The following DCHS2 variants were observed in gnomAD, a reference collection of about 807,000 sequenced individuals.
DCHS2 encodes the protein dachsous cadherin-related 2, also known as protocadherin-23.
Under a neutral mutation model 182.4 loss-of-function variants are expected in DCHS2, and 142 were observed. The observed-to-expected ratio is 0.78, with a 90% CI of 0.68 to 0.89. DCHS2 has a LOEUF of 0.89. Among genes scored for constraint, DCHS2 ranks in the 40% least tolerant of loss-of-function variants. DCHS2 has a pLI of 0.00. For synonymous variants in DCHS2, 1,740 were observed against 1,663.3 expected (o/e 1.05, Z -1.12); for missense variants, 4,319 against 4,198.6 (o/e 1.03, Z -0.79).
chr4:154,324,826 C>G (rs1488488737), intron 7 of DCHS2, among the ~76,000 whole-genome samples: 3 of 152,134 alleles, frequency 2.0e-5, no homozygotes, highest in Non-Finnish European at 4.4e-5. Flanking sequence ...ATGCTTTAAT[C>G]CATTGATTTT....
intron 1 of DCHS2, among the ~76,000 whole-genome samples, chr4:154,387,880 C>T (rs1731490023): frequency 6.6e-6 from 1 of 151,808 alleles, no homozygotes; most frequent in Non-Finnish European, 1.5e-5. Flanking sequence ...ACAGACAATT[C>T]ATAGAAAAAT....
intron 15 of DCHS2, 74 bp downstream of exon 15, chr4:154,259,471 T>TTC (rs368533986): frequency 1.0e-4 from 141 of 1,414,250 alleles, no homozygotes; most frequent in African/African-American, 3.0e-4. Flanking sequence ...CTTGTAATAA[T>TTC]TCTCTCTCTC....
chr4:154,410,523 C>T (rs28795483), intron 1 of DCHS2, among the ~76,000 whole-genome samples: 32,802 of 109,016 alleles, frequency 0.3, 6,369 homozygotes, highest in African/African-American at 0.55. Context: ...CAGCTGGGCA[C>T]GGTGGCTCAC....
chr4:154,356,476 G>A (rs1729875841), intron 3 of DCHS2, among the ~76,000 whole-genome samples: 1 of 152,178 alleles, frequency 6.6e-6, no homozygotes, highest in Non-Finnish European at 1.5e-5. Flanking sequence ...GTAGTGTACA[G>A]TAATGTCCTA....
chr4:154,349,723 T>C (rs1729521470), intron 3 of DCHS2, among the ~76,000 whole-genome samples: 1 of 152,216 alleles, frequency 6.6e-6, no homozygotes. Context: ...TCATGCATTT[T>C]TTGTGTGACA....
intron 2 of DCHS2, chr4:154,373,937 G>A: frequency 6.3e-7 from 1 of 1,589,860 alleles, no homozygotes; most frequent in South Asian, 1.1e-5. Context: ...AGGGCTAAAT[G>A]TGTCATTCTC....
In DCHS2 at chr4:154,298,349, A is replaced by G. The variant is rs757933666; in HGVS notation, c.5965T>C (p.Leu1989=). ...AFTIDPMSGT[L]KTSNTLDREA... ...CGGTCGAGGGTGTTGCTGGTTTTCA[A>G]TGTGCCTGACATAGGATCAATGGTG... is the stretch of plus-strand genomic sequence containing the variant. Residue 1989 remains leucine (L), a synonymous_variant, in exon 13 of 20, where the codon TTG becomes CTG. Transcript: ENST00000357232. 8 of 1,614,154 alleles carry G rather than the reference A, an allele frequency of 5.0e-6. No homozygotes were observed. The highest frequency in any genetic ancestry group is 3.3e-4 in the Middle Eastern group (2 of 6,060).
chr4:154,238,156 C>T (rs76040334), intron 19 of DCHS2, among the ~76,000 whole-genome samples: 14 of 5,600 alleles, frequency 2.5e-3, no homozygotes, highest in South Asian at 7.0e-3. Context: ...AGAGAAAAGA[C>T]GGTGGGGGGG....
chr4:154,233,613 CAA>C lies in DCHS2; in HGVS notation c.*921_*922del, dbSNP rs1190842171. On this transcript the variant is annotated 3_prime_UTR_variant, in exon 20 of 20. Transcript: ENST00000357232. ...CATTGAGTGGATAAATTATTTCACA[CAA>C]AAAAGTTACTGTATCTAGAAGAAAA... is the stretch of plus-strand genomic sequence containing the variant. 2 of 151,902 alleles carry C rather than the reference CAA, an allele frequency of 1.3e-5. No homozygotes were observed. The highest frequency in any genetic ancestry group is 1.9e-4 in the East Asian group (1 of 5,184). 9.4% of individuals were successfully genotyped at this position (151,902 alleles called of 1,614,324 possible).
intron 14 of DCHS2, among the ~76,000 whole-genome samples, chr4:154,264,495 A>G (rs944776985): frequency 3.9e-5 from 6 of 152,224 alleles, no homozygotes; most frequent in Non-Finnish European, 8.8e-5. Flanking sequence ...AATATAAAAA[A>G]GAGATGTAGC....
chr4:154,352,996 C>T (rs775846203), intron 3 of DCHS2, among the ~76,000 whole-genome samples: 2 of 151,972 alleles, frequency 1.3e-5, no homozygotes, highest in Non-Finnish European at 2.9e-5. Context: ...CTTCTGTATC[C>T]CCAGTAGATC....
chr4:154,459,868 T>G (rs1235731952), intron 1 of DCHS2, among the ~76,000 whole-genome samples: 3 of 151,876 alleles, frequency 2.0e-5, no homozygotes, highest in African/African-American at 7.3e-5. Context: ...ATTCAAGACC[T>G]AAATGTACCC....
chr4:154,439,942 G>C (rs1016905348), intron 1 of DCHS2, among the ~76,000 whole-genome samples: 31 of 152,200 alleles, frequency 2.0e-4, no homozygotes, highest in African/African-American at 7.2e-4. Context: ...AAAGGAAACA[G>C]TAAATTTTAG....
In DCHS2 at chr4:154,255,816, T is replaced by A; in HGVS notation, c.6790-146A>T. On this transcript the variant is annotated intron_variant, in intron 15 of 19. Transcript: ENST00000357232. Reference sequence around the variant, plus strand: ...ATGAAATGAAATACCAACAGACAACTGAAGCTTACATTTAACTTTATGATA... The same window carrying A: ...ATGAAATGAAATACCAACAGACAACAGAAGCTTACATTTAACTTTATGATA... 12 of 1,304,674 alleles carry A rather than the reference T, an allele frequency of 9.2e-6. 1 individual carries two copies. Among genetic ancestry groups the A allele is most frequent in the South Asian group, 7.8e-5 (4 of 51,324 alleles). 80.8% of individuals were successfully genotyped at this position (1,304,674 alleles called of 1,614,324 possible).
At chr4:154,460,897 G>A (rs1475306830) in intron 1 of DCHS2, among the ~76,000 whole-genome samples, 1 of 152,122 alleles carries the variant, frequency 6.6e-6, no homozygotes. Flanking sequence ...TACAGAACAT[G>A]TAAAAACCCT....
At chr4:154,289,333 A>G (rs1409110532) in intron 13 of DCHS2, among the ~76,000 whole-genome samples, 1 of 152,010 alleles carries the variant, frequency 6.6e-6, no homozygotes, top group East Asian at 1.9e-4. Flanking sequence ...ATTAGAAAAC[A>G]TAGAATAAAT....
intron 1 of DCHS2, among the ~76,000 whole-genome samples, chr4:154,426,860 A>G (rs4696569): frequency 0.84 from 127,320 of 152,056 alleles, 55,437 homozygotes; most frequent in Non-Finnish European, 0.95. Flanking sequence ...AATGCTTGAG[A>G]TGATGGATTC....
At chr4:154,286,035 T>C (rs1734378980) in intron 13 of DCHS2, among the ~76,000 whole-genome samples, 1 of 151,932 alleles carries the variant, frequency 6.6e-6, no homozygotes, top group Non-Finnish European at 1.5e-5. Flanking sequence ...GCAAAAGAAT[T>C]TGTTTGGAAG....
intron 1 of DCHS2, among the ~76,000 whole-genome samples, chr4:154,480,972 T>C (rs73856404): frequency 1.2e-4 from 19 of 152,324 alleles, no homozygotes; most frequent in African/African-American, 4.3e-4. Context: ...TTAATAATGT[T>C]TCCTTTAATA....
Sources: allele counts gnomAD v4.1 joint callset (sites outside exome capture counted in the v4.1 genomes callset), GRCh38; gene constraint gnomAD v4.1.1; transcripts MANE v1.5; gene names NCBI Gene and HGNC (gene_info 2026-07-23, HGNC 2026-07-21).